Variants in EXOC6 observed in about 807,000 individuals in gnomAD.
The protein encoded by EXOC6 is SEC15-like 1.
A neutral mutation model predicts 112.5 loss-of-function variants in EXOC6; 60 were observed. That is an observed-to-expected ratio of 0.53 (90% CI 0.43 to 0.66). The LOEUF (loss-of-function observed/expected upper bound fraction) is 0.66. EXOC6 is among the 30% of genes least tolerant of loss of function. The pLI is 0.00. For missense variants in EXOC6, 855 were observed against 957.1 expected (o/e 0.89, Z 1.41); for synonymous variants, 295 against 308.0 (o/e 0.96, Z 0.44).
intron 1 of EXOC6, among the ~76,000 whole-genome samples, chr10:92,885,827 T>C (rs980657111): frequency 6.6e-6 from 1 of 152,148 alleles, no homozygotes; most frequent in African/African-American, 2.4e-5. Flanking sequence ...AATTTTATTT[T>C]ATTTATTTAT....
chr10:92,896,083 GTATATATATATGTGTGTA>G (rs1849750562), intron 4 of EXOC6, among the ~76,000 whole-genome samples: 2 of 92,484 alleles, frequency 2.2e-5, no homozygotes, highest in Admixed American at 1.2e-4. Context: ...ATATATATGT[GTATATATATATGTGTGTA>G]TATATATGTG....
chr10:92,935,646 T>G (rs1444412891), intron 11 of EXOC6, among the ~76,000 whole-genome samples, 168 bp from the exon 12 acceptor site: 1 of 152,178 alleles, frequency 6.6e-6, no homozygotes, highest in Non-Finnish European at 1.5e-5. Context: ...ACGTTTATAC[T>G]GAATAGAGAA....
chr10:93,048,098 G>C (rs950241716), intron 20 of EXOC6, among the ~76,000 whole-genome samples: 1 of 152,090 alleles, frequency 6.6e-6, no homozygotes, highest in African/African-American at 2.4e-5. Flanking sequence ...CTCAAGAAAA[G>C]CAAGCCATGC....
intron 1 of EXOC6, among the ~76,000 whole-genome samples, chr10:92,884,610 C>T (rs936294929): frequency 2.2e-4 from 34 of 152,018 alleles, no homozygotes; most frequent in African/African-American, 7.0e-4. Flanking sequence ...TAAGTAATTT[C>T]GGGACATTAG....
At chr10:92,938,089 A>G (rs1243568109) in intron 12 of EXOC6, among the ~76,000 whole-genome samples, 1 of 152,170 alleles carries the variant, frequency 6.6e-6, no homozygotes, top group Non-Finnish European at 1.5e-5. Flanking sequence ...ACTGTAATAA[A>G]TAGTTATTGG....
At chr10:93,044,207 A>T (rs1254119599) in intron 20 of EXOC6, among the ~76,000 whole-genome samples, 3 of 152,350 alleles carry the variant, frequency 2.0e-5, no homozygotes, top group East Asian at 3.9e-4. Flanking sequence ...GTGTTCTGAC[A>T]TGTTTGTCGC....
chr10:92,858,417 T>C (rs2133664550), intron 1 of EXOC6, among the ~76,000 whole-genome samples: 1 of 152,246 alleles, frequency 6.6e-6, no homozygotes, highest in Admixed American at 6.5e-5. Context: ...TTATTCTTTT[T>C]TCTCTCCTGT....
chr10:93,022,948 CA>C (rs1844851570), intron 20 of EXOC6, among the ~76,000 whole-genome samples: 1 of 150,522 alleles, frequency 6.6e-6, no homozygotes, highest in Non-Finnish European at 1.5e-5. Flanking sequence ...GGGTTGCTAA[CA>C]CCTTTATTTA....
At chr10:92,835,807 A>G (rs749831711) in intron 1 of EXOC6, among the ~76,000 whole-genome samples, 3 of 152,228 alleles carry the variant, frequency 2.0e-5, no homozygotes, top group Non-Finnish European at 4.4e-5. Context: ...TTGGATTATC[A>G]ATATGTAGGT....
intron 7 of EXOC6, among the ~76,000 whole-genome samples, chr10:92,918,230 C>T (rs983225462): frequency 7.9e-5 from 12 of 151,978 alleles, no homozygotes; most frequent in African/African-American, 2.9e-4. Context: ...TTAAATTTAG[C>T]TACTATCATA....
intron 20 of EXOC6, among the ~76,000 whole-genome samples, chr10:93,033,811 A>G (rs967595136): frequency 3.3e-5 from 5 of 152,244 alleles, no homozygotes; most frequent in African/African-American, 1.2e-4. Context: ...TAGAAATTAA[A>G]TAAGAGCCAG....
chr10:92,935,221 A>G (rs1852277726), intron 11 of EXOC6, among the ~76,000 whole-genome samples: 1 of 151,936 alleles, frequency 6.6e-6, no homozygotes, highest in East Asian at 1.9e-4. Flanking sequence ...TAGCATATTA[A>G]TAAAGAACAA....
intron 19 of EXOC6, among the ~76,000 whole-genome samples, chr10:93,000,320 T>G (rs1449698000): frequency 1.3e-5 from 2 of 152,208 alleles, no homozygotes; most frequent in Non-Finnish European, 2.9e-5. Context: ...CTCTCTAGCC[T>G]ATTGACATTT....
chr10:92,932,293 T>C (rs1255068458), intron 9 of EXOC6, among the ~76,000 whole-genome samples: 1 of 152,128 alleles, frequency 6.6e-6, no homozygotes, highest in Non-Finnish European at 1.5e-5. Context: ...GGGCTATGGG[T>C]TCGGCAGGAT....
intron 1 of EXOC6, among the ~76,000 whole-genome samples, chr10:92,856,135 A>G: frequency 6.6e-6 from 1 of 152,032 alleles, no homozygotes; most frequent in East Asian, 1.9e-4. Flanking sequence ...AATTTCTGGG[A>G]TTACAGGCAT....
At chr10:92,935,014 TGTA>T (rs773890944) in intron 11 of EXOC6, among the ~76,000 whole-genome samples, 6 of 152,008 alleles carry the variant, frequency 3.9e-5, no homozygotes, top group Non-Finnish European at 8.8e-5. Flanking sequence ...TTTTAAAAGT[TGTA>T]GTAGTTTACC....
chr10:92,919,936 C>A lies in EXOC6; in HGVS notation c.820-46C>A. ...TAACTTTACATTATCTAATGGTGGT[C>A]TAATAGTTTGACCTATAATTTTTTT... is the stretch of plus-strand genomic sequence containing the variant. On this transcript the variant is annotated intron_variant, in intron 7 of 21. Coordinates refer to ENST00000260762, the MANE Select transcript of EXOC6 (RefSeq NM_019053.6). 3 of 1,195,668 alleles carry A rather than the reference C, an allele frequency of 2.5e-6. No homozygotes were observed. In the South Asian group the frequency reaches 4.2e-5, roughly 17 times the overall value. The allele number at this position is 1,195,668 out of a possible 1,614,324, so 74.1% of individuals were successfully genotyped here. A position where few individuals can be genotyped will look rare whatever the true frequency, so the allele number is the denominator to read the frequency against.
chr10:92,837,355 A>G (rs1846693588), intron 1 of EXOC6, among the ~76,000 whole-genome samples: 1 of 152,144 alleles, frequency 6.6e-6, no homozygotes, highest in African/African-American at 2.4e-5. Flanking sequence ...CAAAGAAGAG[A>G]AGGAGGAGGA....
In EXOC6 at chr10:92,950,489, A is replaced by G. The variant is rs577690679; in HGVS notation, c.1417-1784A>G. Among the ~76,000 whole-genome samples the G allele has an allele frequency of 2.6e-4, 40 of 152,188 alleles. 1 individual carries two copies. Among genetic ancestry groups the G allele is most frequent in the Admixed American group, 1.3e-3 (20 of 15,280 alleles). ...CCTACTATATACCAGAAACAGTGCTATGTGCTAGATTTTCAGTCTTTGGTG... is the reference window on the plus strand; with the variant it reads ...CCTACTATATACCAGAAACAGTGCTGTGTGCTAGATTTTCAGTCTTTGGTG... On this transcript the variant is annotated intron_variant, in intron 14 of 21. Coordinates refer to ENST00000260762, the MANE Select transcript of EXOC6 (RefSeq NM_019053.6).
Sources: allele counts gnomAD v4.1 joint callset (sites outside exome capture counted in the v4.1 genomes callset), GRCh38; gene constraint gnomAD v4.1.1; transcripts MANE v1.5; gene names NCBI Gene and HGNC (gene_info 2026-07-23, HGNC 2026-07-21).